MME: variants seen among roughly 807,000 people sequenced by gnomAD.
MME encodes membrane metalloendopeptidase.
In MME, 98 loss-of-function variants were observed where a neutral mutation model predicts 113.2. That is an observed-to-expected ratio of 0.87 (90% CI 0.74 to 1.02). The LOEUF (loss-of-function observed/expected upper bound fraction) is 1.02. MME is among the 50% of genes least tolerant of loss of function. The pLI is 0.00. For missense variants in MME, 836 were observed against 896.0 expected, an observed-to-expected ratio of 0.93 and a Z score of 0.86; for synonymous variants, 292 against 300.6, an observed-to-expected ratio of 0.97 and a Z score of 0.30.
chr3:155,112,815 A>G (rs923811758), intron 3 of MME: 1 of 152,304 alleles, frequency 6.6e-6, no homozygotes, highest in Admixed American at 6.5e-5. Context: ...AAGAAGACTC[A>G]TAGATGATTC....
At chr3:155,129,810 A>G (rs1719992026) in intron 8 of MME, among the ~76,000 whole-genome samples, 1 of 152,238 alleles carries the variant, frequency 6.6e-6, no homozygotes, top group South Asian at 2.1e-4. Flanking sequence ...TTTCTATGCT[A>G]GGAAAACAAT....
chr3:155,075,061 TC>T (rs1714700902), upstream of MME, among the ~76,000 whole-genome samples: 1 of 151,742 alleles, frequency 6.6e-6, no homozygotes, highest in African/African-American at 2.4e-5. Flanking sequence ...TGTATTAAAA[TC>T]ACCCATTAAC....
intron 16 of MME, among the ~76,000 whole-genome samples, chr3:155,149,087 A>G (rs1454363285): frequency 6.6e-6 from 1 of 152,160 alleles, no homozygotes; most frequent in African/African-American, 2.4e-5. Flanking sequence ...TAGATAGTTA[A>G]TGTAAGACTT....
intron 8 of MME, among the ~76,000 whole-genome samples, chr3:155,124,420 G>A (rs1415451422): frequency 2.0e-5 from 3 of 151,520 alleles, no homozygotes; most frequent in East Asian, 1.9e-4. Flanking sequence ...CTCTCAGCTC[G>A]TCAAAGTCAT....
At chr3:155,109,808 T>A (rs1347323085) in intron 3 of MME, among the ~76,000 whole-genome samples, 1 of 152,224 alleles carries the variant, frequency 6.6e-6, no homozygotes, top group Non-Finnish European at 1.5e-5. Flanking sequence ...TGACAAGTAC[T>A]GTCCTAAAAC....
chr3:155,091,286 T>A (rs1716272869), intron 3 of MME, among the ~76,000 whole-genome samples: 2 of 152,198 alleles, frequency 1.3e-5, no homozygotes, highest in South Asian at 4.1e-4. Flanking sequence ...ATCAGATCCT[T>A]TCCAAGAAAG....
chr3:155,104,738 A>G (rs1019803848), intron 3 of MME, among the ~76,000 whole-genome samples: 1 of 152,236 alleles, frequency 6.6e-6, no homozygotes, highest in South Asian at 2.1e-4. Flanking sequence ...GAAGAGTGTT[A>G]CTAAGGGAAC....
chr3:155,141,050 T>C (rs1721048238), intron 10 of MME, among the ~76,000 whole-genome samples: 1 of 152,214 alleles, frequency 6.6e-6, no homozygotes, highest in African/African-American at 2.4e-5. Flanking sequence ...TTTGTGGCTA[T>C]GCATTTATTC....
At chr3:155,028,446 G>C (rs978417463) in intron 1 of MME, among the ~76,000 whole-genome samples, 3 of 152,300 alleles carry the variant, frequency 2.0e-5, no homozygotes, top group Non-Finnish European at 2.9e-5. Context: ...AAAGGCAGGA[G>C]GCAATGTGGC....
chr3:155,171,978 T>C lies in MME; in HGVS notation c.1981-139T>C, dbSNP rs750536920. 2.2e-5 allele frequency: 14 copies of C among 630,182 alleles called. No individual in the cohort carries two copies. In the East Asian group the frequency reaches 2.8e-4, roughly 13 times the overall value. The allele number at this position is 630,182 out of a possible 1,614,324, so 39.0% of individuals were successfully genotyped here. ...GTCTTTCTAATCCATAAAATAGTTG[T>C]AGGTTACCATAACTAAATGTATTAT... On this transcript the variant is annotated intron_variant, in intron 20 of 22. Transcript: ENST00000360490.
In MME at chr3:155,183,342, C is replaced by T. The variant is rs199985324; in HGVS notation, c.*2883C>T. On this transcript the variant is annotated 3_prime_UTR_variant, in exon 23 of 23. Transcript: ENST00000360490. ...TCTCAGCAAGAGAAGGAGTATGTGT[C>T]CAATGCTGCCTTCCCATGAATCTGT... 1.3e-5 allele frequency: 2 copies of T among 152,128 alleles called. No homozygotes were observed. Among genetic ancestry groups the T allele is most frequent in the African/African-American group, 2.4e-5 (1 of 41,416 alleles). 9.4% of individuals were successfully genotyped at this position (152,128 alleles called of 1,614,324 possible).
In MME at chr3:155,175,752, T is replaced by C. The variant is rs560007858; in HGVS notation, c.2153+3140T>C. ...TCTAATATTTTGAAGGAATATTTTG[T>C]CTAGTGTTTTATATAGACATGTCAA... On this transcript the variant is annotated intron_variant, in intron 22 of 22. Transcript: ENST00000360490. Among the ~76,000 whole-genome samples, 23 of 143,236 alleles carry C rather than the reference T, an allele frequency of 1.6e-4. No homozygotes were observed. In the East Asian group the frequency reaches 3.6e-3, roughly 23 times the overall value. The allele number at this position is 143,236 out of a possible 152,430, so 94.0% of individuals were successfully genotyped here.
At chr3:155,173,781 CT>C (rs1712225942) in intron 22 of MME, among the ~76,000 whole-genome samples, 1 of 151,916 alleles carries the variant, frequency 6.6e-6, no homozygotes, top group African/African-American at 2.4e-5. Flanking sequence ...ATTCAAAAAA[CT>C]TTTAGTTTTA....
intron 1 of MME, among the ~76,000 whole-genome samples, chr3:155,074,198 G>T (rs1278834943): frequency 6.6e-6 from 1 of 151,904 alleles, no homozygotes; most frequent in Non-Finnish European, 1.5e-5. Context: ...ACTTTCTTAG[G>T]ATTTGTTGTT....
intron 16 of MME, among the ~76,000 whole-genome samples, chr3:155,153,410 A>G (rs1040178377): frequency 2.6e-5 from 4 of 152,214 alleles, no homozygotes; most frequent in African/African-American, 9.6e-5. Flanking sequence ...AGAATTTTAA[A>G]CATGTCATTA....
chr3:155,048,136 A>G (rs1456398601), intron 1 of MME, among the ~76,000 whole-genome samples: 1 of 152,176 alleles, frequency 6.6e-6, no homozygotes, highest in Non-Finnish European at 1.5e-5. Flanking sequence ...TGACTTGTAC[A>G]TGCATAGATA....
intron 3 of MME, 58 bp from the exon 4 acceptor site, chr3:155,114,936 T>G (rs1718472227): frequency 1.9e-6 from 3 of 1,576,414 alleles, no homozygotes; most frequent in African/African-American, 2.7e-5. Flanking sequence ...TTTTCTCCTT[T>G]TAAGCCTCTT....
chr3:155,179,938 T>G (rs1712916784), intron 22 of MME, among the ~76,000 whole-genome samples: 1 of 152,196 alleles, frequency 6.6e-6, no homozygotes. Flanking sequence ...TAGTGAGAAA[T>G]CATGATTATA....
At chr3:155,179,810 CT>C (rs2108391314) in intron 22 of MME, among the ~76,000 whole-genome samples, 1 of 152,274 alleles carries the variant, frequency 6.6e-6, no homozygotes, top group East Asian at 1.9e-4. Flanking sequence ...CTGAATCCAG[CT>C]TCTGATATTT....
Sources: gnomAD v4.1 joint callset for allele counts (sites outside exome capture counted in the v4.1 genomes callset) on GRCh38, gnomAD v4.1.1 for gene constraint, MANE v1.5 for transcripts, NCBI Gene and HGNC (gene_info 2026-07-23, HGNC 2026-07-21) for gene names.